The following MEF2D variants were observed in gnomAD, a reference collection of about 807,000 sequenced individuals.
MEF2D encodes myocyte enhancer factor 2D.
MEF2D carries 10 observed loss-of-function variants against 59.3 expected under a neutral mutation model. The ratio of observed to expected loss-of-function variants is 0.17; its 90% CI spans 0.10 to 0.29. The LOEUF is 0.29. Among genes scored for constraint, MEF2D ranks in the 10% least tolerant of loss-of-function variants. The pLI is 1.00. For synonymous variants in MEF2D, 305 were observed against 295.0 expected (o/e 1.03, Z -0.35); for missense variants, 508 against 699.4 (o/e 0.73, Z 3.09).
At position 156,500,364 on chromosome 1, in the gene MEF2D, C is replaced by G. The variant is rs149807659; in HGVS notation, c.-139+122G>C. On this transcript the variant is annotated intron_variant, in intron 1 of 11. Coordinates refer to ENST00000348159, the MANE Select transcript of MEF2D (RefSeq NM_005920.4). ...GCCCGCTTCGCGAGTTCCTCCCGGC[C>G]CGGGGGCTGCCCCATCCCACCCCTC... The G allele has an allele frequency of 3.5e-4, 54 of 152,976 alleles. 1 individual carries two copies. The East Asian group carries it at 9.4e-3, about 27-fold the overall frequency. 9.5% of individuals were successfully genotyped at this position (152,976 alleles called of 1,614,324 possible). A position where few individuals can be genotyped will look rare whatever the true frequency, so the allele number is the denominator to read the frequency against.
At chr1:156,482,663 G>T in intron 2 of MEF2D, 23 bp from the exon 3 acceptor site, 1 of 1,612,332 alleles carries the variant, frequency 6.2e-7, no homozygotes, top group Non-Finnish European at 8.5e-7. Flanking sequence ...ATGGGTGGGC[G>T]GCCAGATCTG....
At chr1:156,470,208 T>C (rs1244072610) in intron 9 of MEF2D, among the ~76,000 whole-genome samples, 1 of 152,210 alleles carries the variant, frequency 6.6e-6, no homozygotes, top group African/African-American at 2.4e-5. Context: ...GAAAATGTCC[T>C]CCCTAGTTCA....
At chr1:156,494,813 G>A (rs1377524758) in intron 1 of MEF2D, among the ~76,000 whole-genome samples, 1 of 152,202 alleles carries the variant, frequency 6.6e-6, no homozygotes, top group Admixed American at 6.5e-5. Flanking sequence ...AGAAATAAGG[G>A]GCAGAGGCAG....
chr1:156,476,467 C>T, intron 8 of MEF2D, 27 bp downstream of exon 8: 2 of 1,610,132 alleles, frequency 1.2e-6, no homozygotes, highest in Non-Finnish European at 1.7e-6. Context: ...TTCAAAGCCA[C>T]AGCAAAGAGC....
chr1:156,476,412 C>T (rs1043856763), intron 8 of MEF2D, 82 bp downstream of exon 8: 30 of 1,496,724 alleles, frequency 2.0e-5, no homozygotes, highest in Middle Eastern at 3.4e-4. Flanking sequence ...AGGCCAAGGA[C>T]GCACACGTAC....
At chr1:156,483,196 T>A (rs1279404244) in intron 2 of MEF2D, 43 bp downstream of exon 2, 10 of 1,597,138 alleles carry the variant, frequency 6.3e-6, no homozygotes, top group Non-Finnish European at 8.6e-6. Context: ...AGAGGCCTGC[T>A]CCCTGCCCTC....
chr1:156,472,931 C>T (rs1671325103), intron 9 of MEF2D, among the ~76,000 whole-genome samples: 1 of 152,022 alleles, frequency 6.6e-6, no homozygotes, highest in Non-Finnish European at 1.5e-5. Flanking sequence ...AGGATGGTCT[C>T]GATCTCCTGA....
At chr1:156,469,610 C>G (rs1671098807) in intron 9 of MEF2D, among the ~76,000 whole-genome samples, 1 of 137,372 alleles carries the variant, frequency 7.3e-6, no homozygotes, top group Non-Finnish European at 1.6e-5. Context: ...AAAAAAACAG[C>G]TGGGCGAGTG....
Position 156,468,543 on chromosome 1 carries a change from C to T in MEF2D, c.1247+237G>A, listed in dbSNP as rs1272900490. ...CCATGTCATCTTCTGCAACACAGGG[C>T]CCCCCACCTCCCACCCCCTACCCTG... On this transcript the variant is annotated intron_variant, in intron 10 of 11. Coordinates refer to ENST00000348159, the MANE Select transcript of MEF2D (RefSeq NM_005920.4). The surrounding 1 kb of genome is among the most constrained non-coding windows in gnomAD (Gnocchi z 4.3). Among the ~76,000 whole-genome samples the T allele has an allele frequency of 6.6e-6, 1 of 152,082 alleles. No homozygotes were observed. The highest frequency in any genetic ancestry group is 6.5e-5 in the Admixed American group (1 of 15,268).
intron 1 of MEF2D, among the ~76,000 whole-genome samples, chr1:156,488,916 G>A (rs868401749): frequency 6.6e-6 from 1 of 152,016 alleles, no homozygotes; most frequent in African/African-American, 2.4e-5. Flanking sequence ...TCTTGGCAGG[G>A]GAGTACCTAC....
chr1:156,469,372 C>T (rs919028461), intron 9 of MEF2D, among the ~76,000 whole-genome samples: 2 of 152,062 alleles, frequency 1.3e-5, no homozygotes, highest in African/African-American at 4.8e-5. Context: ...AATCTCCTGC[C>T]TCGGCCTCCT....
At position 156,474,239 on chromosome 1, in the gene MEF2D, AG is replaced by A. The variant is rs1223651527; in HGVS notation, c.1006+868del. On this transcript the variant is annotated intron_variant, in intron 9 of 11. Coordinates refer to ENST00000348159, the MANE Select transcript of MEF2D (RefSeq NM_005920.4). The stretch of plus-strand genomic sequence containing the variant: ...GCACTTTGGTGGATCACTTGAACTC[AG>A]GAGTTTGAGACCAGCCCAGGCAACA... 3.5e-4 allele frequency among the ~76,000 whole-genome samples: 54 copies of A among 152,196 alleles called. 1 individual carries two copies. The highest frequency in any genetic ancestry group is 3.5e-3 in the Admixed American group (54 of 15,276).
intron 9 of MEF2D, among the ~76,000 whole-genome samples, chr1:156,469,728 T>C (rs922875498): frequency 4.6e-5 from 7 of 151,822 alleles, no homozygotes; most frequent in African/African-American, 1.7e-4. Flanking sequence ...TCTCTACAAA[T>C]AGCTTAAAAA....
At position 156,497,358 on chromosome 1, in the gene MEF2D, G is replaced by C. The variant is rs150077562; in HGVS notation, c.-139+3128C>G. Among the ~76,000 whole-genome samples the C allele has an allele frequency of 3.7e-3, 562 of 152,334 alleles. 6 individuals are homozygous for C. Among genetic ancestry groups the C allele is most frequent in the African/African-American group, 0.012 (506 of 41,572 alleles). On this transcript the variant is annotated intron_variant, in intron 1 of 11. Coordinates refer to ENST00000348159, the MANE Select transcript of MEF2D (RefSeq NM_005920.4). ...CCATTTCCTCCTTCTCTATAAAAAA[G>C]AGATAGTTGCCTCAAACCAGCTGGC...
At chr1:156,492,581 T>C (rs1557895933) in intron 1 of MEF2D, among the ~76,000 whole-genome samples, 1 of 152,216 alleles carries the variant, frequency 6.6e-6, no homozygotes, top group Non-Finnish European at 1.5e-5. Flanking sequence ...AGGAAGTCCT[T>C]CCTGCTATCT....
At chr1:156,492,361 A>C (rs1373092388) in intron 1 of MEF2D, among the ~76,000 whole-genome samples, 1 of 152,230 alleles carries the variant, frequency 6.6e-6, no homozygotes, top group Admixed American at 6.5e-5. Flanking sequence ...CTGGGGCTCA[A>C]ACTTGCTTTG....
chr1:156,481,606 T>G (rs1263346160), intron 3 of MEF2D, among the ~76,000 whole-genome samples: 1 of 152,236 alleles, frequency 6.6e-6, no homozygotes, highest in Non-Finnish European at 1.5e-5. Flanking sequence ...ATGCTCAAAA[T>G]AGCTTTACAG....
chr1:156,489,565 G>A (rs552397495), intron 1 of MEF2D, among the ~76,000 whole-genome samples: 2 of 152,172 alleles, frequency 1.3e-5, no homozygotes, highest in Non-Finnish European at 2.9e-5. Flanking sequence ...GAGAGAAGCA[G>A]GTAGAGAACA....
At chr1:156,481,670 A>C (rs1367171220) in intron 3 of MEF2D, among the ~76,000 whole-genome samples, 1 of 152,196 alleles carries the variant, frequency 6.6e-6, no homozygotes, top group Non-Finnish European at 1.5e-5. Context: ...GTCTAGAGTA[A>C]ATCTGTCTTC....
Sources: gnomAD v4.1 joint callset for allele counts (sites outside exome capture counted in the v4.1 genomes callset) on GRCh38, gnomAD v4.1.1 for gene constraint, Gnocchi (gnomAD v3.1) non-coding constraint, MANE v1.5 for transcripts, NCBI Gene and HGNC (gene_info 2026-07-23, HGNC 2026-07-21) for gene names.